The following ATAD2B variants were observed in gnomAD, a reference collection of about 807,000 sequenced individuals.
The protein encoded by ATAD2B is ATPase family AAA domain-containing protein 2B.
Under a neutral mutation model 167.6 loss-of-function variants are expected in ATAD2B, and 40 were observed. That is an observed-to-expected ratio of 0.24 (90% CI 0.19 to 0.31). The LOEUF (loss-of-function observed/expected upper bound fraction) is 0.31. Among genes scored for constraint, ATAD2B ranks in the 10% least tolerant of loss-of-function variants. The pLI, the probability that ATAD2B is intolerant of heterozygous loss-of-function variation, is 1.00. For missense variants in ATAD2B, 1,242 were observed against 1,757.2 expected (o/e 0.71, Z 5.24); for synonymous variants, 579 against 596.5 (o/e 0.97, Z 0.43).
chr2:23,746,000 C>T (rs1393673394), downstream of ATAD2B, among the ~76,000 whole-genome samples: 1 of 152,196 alleles, frequency 6.6e-6, no homozygotes, highest in Non-Finnish European at 1.5e-5. Flanking sequence ...AGCTGTCATG[C>T]TATTTCACTT....
intron 7 of ATAD2B, among the ~76,000 whole-genome samples, chr2:23,878,010 CAAAGAAAAAAA>C (rs1480875731): frequency 1.0e-3 from 30 of 28,608 alleles, no homozygotes; most frequent in East Asian, 4.0e-3. Flanking sequence ...ACCCTATCTC[CAAAGAAAAAAA>C]AAAAAAAAAA....
chr2:23,822,119 TAAC>T (rs1321060146), intron 16 of ATAD2B, among the ~76,000 whole-genome samples: 1 of 152,194 alleles, frequency 6.6e-6, no homozygotes, highest in African/African-American at 2.4e-5. Flanking sequence ...GTCCTACCAA[TAAC>T]AACAAAATGA....
intron 13 of ATAD2B, among the ~76,000 whole-genome samples, chr2:23,849,846 A>G (rs1411239200): frequency 6.6e-6 from 1 of 152,168 alleles, no homozygotes; most frequent in Non-Finnish European, 1.5e-5. Flanking sequence ...AAACCCCACA[A>G]AAGAGTCTGC....
intron 14 of ATAD2B, among the ~76,000 whole-genome samples, chr2:23,829,711 A>G (rs1458739648): frequency 6.6e-6 from 1 of 152,216 alleles, no homozygotes; most frequent in Non-Finnish European, 1.5e-5. Flanking sequence ...TGCTGTGATT[A>G]CGCCACTGCA....
chr2:23,886,908 G>A (rs1377794865), intron 4 of ATAD2B, among the ~76,000 whole-genome samples: 2 of 148,538 alleles, frequency 1.3e-5, no homozygotes, highest in African/African-American at 5.0e-5. Context: ...TCCAGCCTGG[G>A]TGACAGAGCG....
chr2:23,904,204 A>G (rs907659702), intron 1 of ATAD2B, among the ~76,000 whole-genome samples: 1 of 152,212 alleles, frequency 6.6e-6, no homozygotes, highest in Admixed American at 6.6e-5. Flanking sequence ...GGCAGAAGTC[A>G]AAACCTTAAA....
the ATAD2B span, among the ~76,000 whole-genome samples, chr2:23,714,319 A>G: frequency 6.7e-6 from 1 of 149,238 alleles, no homozygotes; most frequent in Non-Finnish European, 1.5e-5. Flanking sequence ...GGCTCACTGC[A>G]AGCTCCGCCT....
At chr2:23,829,088 A>C (rs1016379636) in intron 14 of ATAD2B, 149 bp from the exon 15 acceptor site, 5 of 592,160 alleles carry the variant, frequency 8.4e-6, no homozygotes, top group Non-Finnish European at 1.5e-5. Flanking sequence ...TAAACACCTT[A>C]GCATCTGTCT....
At chr2:23,757,269 C>G (rs1337751608) in intron 25 of ATAD2B, 149 bp downstream of exon 25, 1 of 622,350 alleles carries the variant, frequency 1.6e-6, no homozygotes, top group Non-Finnish European at 2.5e-6. Context: ...CACATGTGTG[C>G]TTTTCTAGAG....
intron 25 of ATAD2B, 61 bp downstream of exon 25, chr2:23,757,357 T>C (rs1381601391): frequency 1.6e-6 from 2 of 1,276,428 alleles, no homozygotes; most frequent in African/African-American, 1.5e-5. Flanking sequence ...CCAGATAAAA[T>C]ACACAACGAA....
At chr2:23,716,715 C>T in the ATAD2B span, among the ~76,000 whole-genome samples, 1 of 152,176 alleles carries the variant, frequency 6.6e-6, no homozygotes, top group African/African-American at 2.4e-5. Flanking sequence ...GACAAAACTG[C>T]AATCCTAACT....
chr2:23,867,991 C>T (rs772739358), intron 9 of ATAD2B, 45 bp from the exon 10 acceptor site: 4 of 1,273,604 alleles, frequency 3.1e-6, no homozygotes, highest in African/African-American at 3.0e-5. Context: ...AAAAGTTTCA[C>T]ATTTTTAATG....
intron 18 of ATAD2B, among the ~76,000 whole-genome samples, chr2:23,801,425 G>T (rs1295530209): frequency 6.6e-6 from 1 of 151,568 alleles, no homozygotes; most frequent in Non-Finnish European, 1.5e-5. Context: ...TGCCATTTGA[G>T]AACTAGAAAA....
intron 17 of ATAD2B, among the ~76,000 whole-genome samples, chr2:23,818,266 A>G: frequency 1.0e-5 from 1 of 98,858 alleles, no homozygotes. Context: ...AGGGAGACGG[A>G]GGGAGGGAGG....
intron 17 of ATAD2B, among the ~76,000 whole-genome samples, chr2:23,818,501 CAA>C (rs141874742): frequency 4.3e-4 from 65 of 150,618 alleles, no homozygotes; most frequent in Admixed American, 8.6e-4. Context: ...AAAAAACTTA[CAA>C]AGAGTTTGCT....
intron 21 of ATAD2B, among the ~76,000 whole-genome samples, chr2:23,784,857 AG>A (rs1164082145): frequency 2.0e-5 from 3 of 152,102 alleles, no homozygotes; most frequent in African/African-American, 7.2e-5. Context: ...CCCAGTGGAA[AG>A]ATATAAAGTA....
At chr2:23,709,759 A>C in the ATAD2B span, among the ~76,000 whole-genome samples, 1 of 152,224 alleles carries the variant, frequency 6.6e-6, no homozygotes, top group African/African-American at 2.4e-5. Flanking sequence ...ATTTGCAGTG[A>C]TACCTTCAGT....
At chr2:23,807,427 G>C (rs1684590240) in intron 18 of ATAD2B, among the ~76,000 whole-genome samples, 1 of 152,134 alleles carries the variant, frequency 6.6e-6, no homozygotes, top group African/African-American at 2.4e-5. Flanking sequence ...TCAGAAGACT[G>C]AAGATAACAA....
At chr2:23,763,070 T>C (rs1055439147) in intron 23 of ATAD2B, among the ~76,000 whole-genome samples, 2 of 152,236 alleles carry the variant, frequency 1.3e-5, no homozygotes, top group Non-Finnish European at 2.9e-5. Context: ...TATCTCCAAC[T>C]GAATTTCCTA....
Sources: allele counts gnomAD v4.1 joint callset (sites outside exome capture counted in the v4.1 genomes callset), GRCh38; gene constraint gnomAD v4.1.1; transcripts MANE v1.5; gene names NCBI Gene and HGNC (gene_info 2026-07-23, HGNC 2026-07-21).